The following ANKFN1 variants were observed in gnomAD, a reference collection of about 807,000 sequenced individuals.
ANKFN1 encodes the protein ankyrin repeat and fibronectin type-III domain-containing protein 1.
ANKFN1 carries 74 observed loss-of-function variants against 108.7 expected under a neutral mutation model. The ratio of observed to expected loss-of-function variants is 0.68; its 90% CI spans 0.56 to 0.83. ANKFN1 has a LOEUF of 0.83. ANKFN1 is among the 40% of genes least tolerant of loss of function. The pLI is 0.00. For missense variants in ANKFN1, 1,505 were observed against 1,382.3 expected (o/e 1.09, Z -1.41); for synonymous variants, 547 against 516.2 (o/e 1.06, Z -0.81).
At chr17:56,184,179 GA>G (rs1911965382) in intron 1 of ANKFN1, among the ~76,000 whole-genome samples, 1 of 152,134 alleles carries the variant, frequency 6.6e-6, no homozygotes, top group African/African-American at 2.4e-5. Flanking sequence ...TTTGTAGAAA[GA>G]AATATTTTGT....
chr17:56,233,296 A>T (rs934444972), intron 3 of ANKFN1, among the ~76,000 whole-genome samples: 2 of 152,116 alleles, frequency 1.3e-5, no homozygotes, highest in Non-Finnish European at 2.9e-5. Context: ...TCAAAATGCT[A>T]GTGTGATCTG....
At chr17:56,360,497 T>A (rs937447771) in intron 6 of ANKFN1, among the ~76,000 whole-genome samples, 1 of 152,216 alleles carries the variant, frequency 6.6e-6, no homozygotes, top group Admixed American at 6.5e-5. Context: ...TGTTTTTATT[T>A]GCTTATTTTC....
intron 4 of ANKFN1, among the ~76,000 whole-genome samples, chr17:56,141,704 C>G (rs935596320): frequency 1.3e-5 from 2 of 152,040 alleles, no homozygotes; most frequent in African/African-American, 4.8e-5. Context: ...ATTATTTGAG[C>G]ACAGCGTTCC....
intron 4 of ANKFN1, among the ~76,000 whole-genome samples, chr17:56,055,128 A>C (rs1479115936): frequency 6.6e-6 from 1 of 151,072 alleles, no homozygotes; most frequent in African/African-American, 2.4e-5. Flanking sequence ...GATATATTGC[A>C]TACTGGTGGG....
intron 3 of ANKFN1, among the ~76,000 whole-genome samples, chr17:56,275,799 G>A (rs2144210603): frequency 6.6e-6 from 1 of 152,266 alleles, no homozygotes; most frequent in African/African-American, 2.4e-5. Context: ...GAAAGACAGA[G>A]AGTACATACT....
rs1260314870 is a variant in ANKFN1, at chr17:56,482,633, A to G, written c.2260+109A>G. 6 of 1,355,324 alleles carry G rather than the reference A, an allele frequency of 4.4e-6. No homozygotes were observed. In the African/African-American group the frequency reaches 8.8e-5, roughly 20 times the overall value. The allele number at this position is 1,355,324 out of a possible 1,614,324, so 84.0% of individuals were successfully genotyped here. A position where few individuals can be genotyped will look rare whatever the true frequency, so the allele number is the denominator to read the frequency against. On this transcript the variant is annotated intron_variant, in intron 18 of 20. Transcript: ENST00000682825. ...CAGTGGAGGGTCAATAAATCACATG[A>G]TGGCTTTGGCAACAACCCTTCCTAG...
intron 1 of ANKFN1, chr17:56,206,888 A>G (rs1424434573): frequency 1.3e-5 from 2 of 152,066 alleles, no homozygotes; most frequent in Admixed American, 6.5e-5. Context: ...ACTCAGTTCT[A>G]TGCTATACAT....
At chr17:56,177,702 A>G (rs1283496246) in intron 1 of ANKFN1, among the ~76,000 whole-genome samples, 1 of 152,252 alleles carries the variant, frequency 6.6e-6, no homozygotes, top group Non-Finnish European at 1.5e-5. Flanking sequence ...TGTCTGCAAC[A>G]GCAGAAATAA....
chr17:56,355,147 T>C (rs1341994779), intron 6 of ANKFN1, among the ~76,000 whole-genome samples: 3 of 152,172 alleles, frequency 2.0e-5, no homozygotes, highest in African/African-American at 7.2e-5. Flanking sequence ...AGGTTATGGA[T>C]ACACTAAATA....
chr17:56,109,600 G>T (rs1021900692), intron 4 of ANKFN1, among the ~76,000 whole-genome samples: 2 of 152,134 alleles, frequency 1.3e-5, no homozygotes, highest in Non-Finnish European at 2.9e-5. Context: ...AAAAAGGAAA[G>T]GTTGAACAGA....
At chr17:56,433,686 G>A (rs930917305) in intron 8 of ANKFN1, among the ~76,000 whole-genome samples, 3 of 152,158 alleles carry the variant, frequency 2.0e-5, no homozygotes, top group Non-Finnish European at 2.9e-5. Context: ...GGGAAAGGGC[G>A]GGAAGGGGGT....
intron 3 of ANKFN1, among the ~76,000 whole-genome samples, chr17:56,245,060 C>CA (rs1917859699): frequency 6.6e-6 from 1 of 152,000 alleles, no homozygotes; most frequent in South Asian, 2.1e-4. Context: ...GATGTAACTC[C>CA]AAAAAACCCT....
At chr17:56,234,319 T>C (rs1404401117) in intron 3 of ANKFN1, among the ~76,000 whole-genome samples, 1 of 149,842 alleles carries the variant, frequency 6.7e-6, no homozygotes, top group East Asian at 2.0e-4. Context: ...AAGTGATGAG[T>C]TTTTAGCATT....
chr17:56,068,968 A>G (rs1905091754), intron 4 of ANKFN1, among the ~76,000 whole-genome samples: 1 of 152,242 alleles, frequency 6.6e-6, no homozygotes, highest in South Asian at 2.1e-4. Flanking sequence ...TTAGATATAT[A>G]GAATTAATGT....
chr17:56,257,657 C>T (rs2043392264), intron 3 of ANKFN1, among the ~76,000 whole-genome samples: 2 of 152,202 alleles, frequency 1.3e-5, no homozygotes, highest in South Asian at 4.1e-4. Context: ...AAGGGACTCC[C>T]TCTCAGCAGC....
At chr17:56,337,265 G>C (rs2045836340) in intron 4 of ANKFN1, among the ~76,000 whole-genome samples, 1 of 152,106 alleles carries the variant, frequency 6.6e-6, no homozygotes, top group Non-Finnish European at 1.5e-5. Flanking sequence ...TTCAAGTCCT[G>C]GATATCCTTG....
intron 3 of ANKFN1, among the ~76,000 whole-genome samples, chr17:56,241,446 A>G (rs967557093): frequency 1.3e-5 from 2 of 152,170 alleles, no homozygotes; most frequent in African/African-American, 4.8e-5. Context: ...TATCTCTATC[A>G]TGAACTTGCT....
chr17:56,105,876 G>A (rs72829725), intron 4 of ANKFN1, among the ~76,000 whole-genome samples: 9,142 of 152,020 alleles, frequency 0.06, 394 homozygotes, highest in Non-Finnish European at 0.095. Context: ...CATTGGGGTG[G>A]TGAGAGGATA....
At chr17:56,146,211 C>T (rs1598139245) in intron 4 of ANKFN1, among the ~76,000 whole-genome samples, 1 of 152,194 alleles carries the variant, frequency 6.6e-6, no homozygotes, top group Non-Finnish European at 1.5e-5. Context: ...CAGCTCTACC[C>T]TGTGGCTTTG....
Sources: allele counts gnomAD v4.1 joint callset (sites outside exome capture counted in the v4.1 genomes callset), GRCh38; gene constraint gnomAD v4.1.1; transcripts MANE v1.5; gene names NCBI Gene and HGNC (gene_info 2026-07-23, HGNC 2026-07-21).